Variants in LCA5 observed in about 807,000 individuals in gnomAD.
LCA5 encodes lebercilin LCA5, also known as lebercilin.
Under a neutral mutation model 53.0 loss-of-function variants are expected in LCA5, and 37 were observed. That is an observed-to-expected ratio of 0.70 (90% confidence interval 0.54 to 0.92). The LOEUF (loss-of-function observed/expected upper bound fraction) is 0.92. Ranked by LOEUF, LCA5 falls within the 40% of genes least tolerant of loss-of-function variation. LCA5 has a pLI of 0.00. For missense variants in LCA5, 806 were observed against 790.5 expected (o/e 1.02, Z -0.23); for synonymous variants, 303 against 282.9 (o/e 1.07, Z -0.71).
intron 2 of LCA5, among the ~76,000 whole-genome samples, chr6:79,516,074 C>T (rs1273994619): frequency 6.6e-6 from 1 of 151,436 alleles, no homozygotes; most frequent in East Asian, 1.9e-4. Flanking sequence ...ATGTTTTATA[C>T]TTACTATCTG....
chr6:79,512,406 T>A (rs904975520), intron 3 of LCA5, among the ~76,000 whole-genome samples: 3 of 151,824 alleles, frequency 2.0e-5, no homozygotes, highest in Admixed American at 6.6e-5. Flanking sequence ...ACTGGTATAA[T>A]GGGCATGGCA....
At position 79,518,784 on chromosome 6, in the gene LCA5, C is replaced by A. The variant is rs755057927; in HGVS notation, c.111G>T (p.Ser37=). 3 of 1,613,954 alleles carry A rather than the reference C, an allele frequency of 1.9e-6. No individual in the cohort carries two copies. Among genetic ancestry groups the A allele is most frequent in the South Asian group, 1.1e-5 (1 of 91,076 alleles). ...CACTTGCAGGTGAAGAACTGACCAGCGATGATCGGCCAGAAGACTGTGGCG... is the reference window on the plus strand; with the variant it reads ...CACTTGCAGGTGAAGAACTGACCAGAGATGATCGGCCAGAAGACTGTGGCG... The part of the protein sequence containing the change: ...FETPQSSGRS[S]LVSSSPASVR... The change falls in exon 2 of 8, where the codon TCG becomes TCT. Residue 37 remains serine (S), a synonymous_variant. Transcript: ENST00000369846.
rs778698913 is a variant in LCA5 at position 79,487,273 on chromosome 6, A to G, written c.1825T>C (p.Phe609Leu). Residue 609 changes from phenylalanine to leucine, a missense_variant, in exon 8 of 8, where the codon TTT (phenylalanine) becomes CTT (leucine). By Grantham distance (22) the Phe-to-Leu change is conservative. Coordinates refer to ENST00000369846, the MANE Select transcript of LCA5 (RefSeq NM_001122769.3). ...ATGGTGCTGCTACCACTGGCACCAAATAACTGTTCCATCAAATTAGCTTTT... is the reference window on the plus strand; with the variant it reads ...ATGGTGCTGCTACCACTGGCACCAAGTAACTGTTCCATCAAATTAGCTTTT... ...EKKANLMEQLFGASGSSTISS... is the reference protein window; with the variant it reads ...EKKANLMEQLLGASGSSTISS... The G allele has an allele frequency of 2.2e-5, 36 of 1,614,000 alleles. No homozygotes were observed. The highest frequency in any genetic ancestry group is 5.3e-5 in the African/African-American group (4 of 74,934).
At position 79,487,810 on chromosome 6, in the gene LCA5, T is replaced by C; in HGVS notation, c.1288A>G (p.Arg430Gly). 2 of 1,610,640 alleles carry C rather than the reference T, an allele frequency of 1.2e-6. No homozygotes were observed. The highest frequency in any genetic ancestry group is 1.7e-6 in the Non-Finnish European group (2 of 1,178,912). Residue 430 changes from arginine to glycine, a missense_variant, in exon 8 of 8, where the codon AGA (arginine) becomes GGA (glycine). Physicochemically the swap from Arg to Gly is moderately radical, Grantham distance 125. Transcript: ENST00000369846. ...KQKEKASLLE[R>G]EEKPEWETGR... ...GTTTCCCACTCTGGCTTTTCTTCTC[T>C]TTCCAGTAAAGATGCCTTTTCTTTT...
intron 4 of LCA5, 76 bp downstream of exon 4, chr6:79,493,537 T>TTAA (rs1769897724): frequency 2.3e-6 from 3 of 1,312,202 alleles, no homozygotes; most frequent in Non-Finnish European, 2.2e-6. Flanking sequence ...ATATGAATAG[T>TTAA]AACATTTAGT....
chr6:79,527,794 T>A (rs964035762), intron 1 of LCA5, among the ~76,000 whole-genome samples: 1 of 152,134 alleles, frequency 6.6e-6, no homozygotes, highest in Non-Finnish European at 1.5e-5. Flanking sequence ...GGTATATGGG[T>A]TAAGAGCAGA....
intron 1 of LCA5, among the ~76,000 whole-genome samples, chr6:79,534,748 G>A (rs745669712): frequency 5.3e-5 from 8 of 152,106 alleles, no homozygotes; most frequent in African/African-American, 9.7e-5. Flanking sequence ...TGTTTGAAAA[G>A]TGGGGGGGTA....
At chr6:79,514,247 A>C (rs2575218) in intron 2 of LCA5, among the ~76,000 whole-genome samples, 1,860 of 152,062 alleles carry the variant, frequency 0.012, 20 homozygotes, top group Middle Eastern at 0.058. Context: ...GTTGGCCATA[A>C]GTATGTCTTC....
intron 5 of LCA5, 21 bp from the exon 6 acceptor site, chr6:79,491,751 A>T (rs766303884): frequency 1.2e-5 from 20 of 1,606,326 alleles, no homozygotes; most frequent in East Asian, 4.5e-5. Flanking sequence ...AATTATTTTT[A>T]AAAAATTATT....
At chr6:79,502,296 C>T (rs2127673789) in intron 3 of LCA5, among the ~76,000 whole-genome samples, 1 of 152,298 alleles carries the variant, frequency 6.6e-6, no homozygotes. Context: ...CTTACTATTT[C>T]TTCATCTGCT....
chr6:79,495,890 T>C (rs1769971139), intron 3 of LCA5, among the ~76,000 whole-genome samples: 1 of 152,078 alleles, frequency 6.6e-6, no homozygotes, highest in African/African-American at 2.4e-5. Context: ...AAAAAAATCT[T>C]TGCATAAGTA....
chr6:79,488,440 A>G (rs1413311929), intron 7 of LCA5: 2 of 153,492 alleles, frequency 1.3e-5, no homozygotes, highest in South Asian at 2.1e-4. Context: ...TAGATTAAAG[A>G]AGACTGAAGA....
chr6:79,538,151 TA>T (rs397765826), upstream of LCA5, among the ~76,000 whole-genome samples: 1 of 147,464 alleles, frequency 6.8e-6, no homozygotes, highest in Non-Finnish European at 1.5e-5. Context: ...ACAGGGAAGG[TA>T]AAAAAAAATC....
intron 1 of LCA5, among the ~76,000 whole-genome samples, chr6:79,521,527 T>C (rs555855297): frequency 1.1e-4 from 17 of 152,364 alleles, no homozygotes; most frequent in Admixed American, 1.1e-3. Context: ...TAATTATTAT[T>C]GGTGCAGCTG....
rs1325864523 is a variant in LCA5, at chr6:79,486,336, C to CA, written c.*667dup. On this transcript the variant is annotated 3_prime_UTR_variant, in exon 8 of 8. Coordinates refer to ENST00000369846, the MANE Select transcript of LCA5 (RefSeq NM_001122769.3). Reference sequence around the variant, plus strand: ...GAGAGCAACTAACTGTCCTTGCAAACAGAGAAATGTCTTCCGAACTCAACA... The same window carrying CA: ...GAGAGCAACTAACTGTCCTTGCAAACAAGAGAAATGTCTTCCGAACTCAACA... 6.6e-6 allele frequency: 1 copy of CA among 152,218 alleles called. No homozygotes were observed. The highest frequency in any genetic ancestry group is 2.4e-5 in the African/African-American group (1 of 41,426). The allele number at this position is 152,218 out of a possible 1,614,324, so 9.4% of individuals were successfully genotyped here. A position where few individuals can be genotyped will look rare whatever the true frequency, so the allele number is the denominator to read the frequency against.
At chr6:79,531,937 G>T (rs1040446260) in intron 1 of LCA5, among the ~76,000 whole-genome samples, 3 of 152,032 alleles carry the variant, frequency 2.0e-5, no homozygotes, top group Admixed American at 6.6e-5. Context: ...AATTAGCCTG[G>T]CTTCCACATT....
At position 79,513,618 on chromosome 6, in the gene LCA5, A is replaced by T; in HGVS notation, c.314T>A (p.Leu105Gln). The T allele has an allele frequency of 1.9e-6, 3 of 1,613,934 alleles. No homozygotes were observed. Among genetic ancestry groups the T allele is most frequent in the Non-Finnish European group, 2.5e-6 (3 of 1,179,852 alleles). ...ATTGATTTTTAGCAGTCTTGCAGAC[A>T]GAATCCGTTTTGTAACAAGATCAGT... ...KDTDLVTKRI[L>Q]SARLLKINEL... Residue 105 changes from leucine to glutamine, a missense_variant, in exon 3 of 8, where the codon CTG becomes CAG. Leu to Gln is a moderately radical substitution (Grantham distance 113, BLOSUM62 -2). Transcript: ENST00000369846.
chr6:79,513,006 GTCAA>G, intron 3 of LCA5: 1 of 594,500 alleles, frequency 1.7e-6, no homozygotes, highest in East Asian at 2.9e-5. Context: ...ACTATGATCC[GTCAA>G]TCAACATGTA....
At chr6:79,538,054 T>TTTA (rs1767212122), upstream of LCA5, among the ~76,000 whole-genome samples, 2 of 129,610 alleles carry the variant, frequency 1.5e-5, 1 homozygote, top group African/African-American at 5.7e-5. Flanking sequence ...TTTTTTTTTT[T>TTTA]AAGGAACGTT....
Sources: gnomAD v4.1 joint callset for allele counts (sites outside exome capture counted in the v4.1 genomes callset) on GRCh38, gnomAD v4.1.1 for gene constraint, MANE v1.5 for transcripts, NCBI Gene and HGNC (gene_info 2026-07-23, HGNC 2026-07-21) for gene names.